Variants in TNNI3K observed in about 807,000 individuals in gnomAD.
TNNI3K encodes serine/threonine-protein kinase TNNI3K.
TNNI3K carries 140 observed loss-of-function variants against 114.5 expected under a neutral mutation model. That is an observed-to-expected ratio of 1.22 (90% CI 1.07 to 1.41). TNNI3K has a LOEUF of 1.41. Among genes scored for constraint, TNNI3K ranks in the 40% most tolerant of loss-of-function variants. TNNI3K has a pLI of 0.00. For synonymous variants in TNNI3K, 347 were observed against 347.5 expected (o/e 1.00, Z 0.02); for missense variants, 1,125 against 1,007.6 (o/e 1.12, Z -1.58).
At chr1:74,283,201 G>T (rs375644224) in intron 5 of TNNI3K, among the ~76,000 whole-genome samples, 1 of 152,068 alleles carries the variant, frequency 6.6e-6, no homozygotes, top group Non-Finnish European at 1.5e-5. Context: ...TGTGGCATTC[G>T]AAAATGGTTT....
intron 2 of TNNI3K, among the ~76,000 whole-genome samples, chr1:74,237,255 C>A (rs910123454): frequency 2.6e-5 from 4 of 151,854 alleles, no homozygotes; most frequent in African/African-American, 9.7e-5. Flanking sequence ...TGATGAGATA[C>A]CACTGATCTG....
At chr1:74,275,425 T>C (rs575556067) in intron 5 of TNNI3K, among the ~76,000 whole-genome samples, 11 of 152,212 alleles carry the variant, frequency 7.2e-5, no homozygotes, top group African/African-American at 2.4e-4. Context: ...ATCTCCCACT[T>C]TGTCCCTCCC....
At chr1:74,384,840 T>G in intron 17 of TNNI3K, among the ~76,000 whole-genome samples, 1 of 152,160 alleles carries the variant, frequency 6.6e-6, no homozygotes, top group East Asian at 1.9e-4. Flanking sequence ...TTCTTAAATA[T>G]AGTGATTATT....
chr1:74,283,818 C>T (rs1657159065), intron 5 of TNNI3K, among the ~76,000 whole-genome samples: 1 of 152,066 alleles, frequency 6.6e-6, no homozygotes, highest in African/African-American at 2.4e-5. Context: ...AATATATACA[C>T]ATATTTGTAT....
chr1:74,346,398 C>T (rs560079931), intron 9 of TNNI3K, among the ~76,000 whole-genome samples: 92 of 152,158 alleles, frequency 6.0e-4, no homozygotes, highest in African/African-American at 1.7e-3. Flanking sequence ...AGAATATTTC[C>T]GAGGTCCTGC....
chr1:74,240,471 T>C (rs1314376165), intron 2 of TNNI3K: 1 of 152,226 alleles, frequency 6.6e-6, no homozygotes. Flanking sequence ...TGAACTAGAT[T>C]AAACAATTTG....
At chr1:74,353,147 T>A in intron 9 of TNNI3K, 119 bp from the exon 10 acceptor site, 1 of 1,033,754 alleles carries the variant, frequency 9.7e-7, no homozygotes, top group South Asian at 1.7e-5. Flanking sequence ...ACAGTCTCAT[T>A]GTCAGGTTAT....
chr1:74,297,133 C>T (rs1270476838), intron 5 of TNNI3K, among the ~76,000 whole-genome samples: 1 of 151,792 alleles, frequency 6.6e-6, no homozygotes, highest in African/African-American at 2.4e-5. Flanking sequence ...ATAATACCTT[C>T]CCTGTGTTTT....
Position 74,482,588 on chromosome 1 carries a change from C to T in TNNI3K, c.2122-6601C>T, listed in dbSNP as rs141162824. On this transcript the variant is annotated intron_variant, in intron 21 of 24. Transcript: ENST00000326637. ...GGATATTAGAAATGGAAGAAATTAT[C>T]CTCTTCCACTCTGTCGTAACTCAAG... Among the ~76,000 whole-genome samples, 1,199 of 152,178 alleles carry T rather than the reference C, an allele frequency of 7.9e-3. 19 individuals carry two copies. The highest frequency in any genetic ancestry group is 0.026 in the African/African-American group (1,092 of 41,502).
chr1:74,489,773 T>C (rs1668957944), intron 22 of TNNI3K, among the ~76,000 whole-genome samples: 1 of 152,168 alleles, frequency 6.6e-6, no homozygotes, highest in Admixed American at 6.5e-5. Flanking sequence ...TTGCTTTAAG[T>C]TTCTCTACAA....
intron 17 of TNNI3K, among the ~76,000 whole-genome samples, chr1:74,399,010 G>A (rs1282968721): frequency 6.6e-6 from 1 of 151,762 alleles, no homozygotes; most frequent in Non-Finnish European, 1.5e-5. Context: ...ACAAAAATTA[G>A]CCAGGCATGG....
intron 9 of TNNI3K, among the ~76,000 whole-genome samples, chr1:74,345,522 G>C (rs923908708): frequency 2.6e-5 from 4 of 152,142 alleles, no homozygotes; most frequent in African/African-American, 9.7e-5. Flanking sequence ...GATATTTCAT[G>C]AAAGAAAAAT....
intron 23 of TNNI3K, among the ~76,000 whole-genome samples, chr1:74,534,390 A>T (rs971761735): frequency 2.0e-5 from 3 of 152,204 alleles, no homozygotes; most frequent in Non-Finnish European, 4.4e-5. Context: ...AGTCAGAAGC[A>T]ATTGTGGCAC....
At chr1:74,268,435 G>A (rs1169089419) in intron 4 of TNNI3K, among the ~76,000 whole-genome samples, 1 of 151,776 alleles carries the variant, frequency 6.6e-6, no homozygotes, top group Non-Finnish European at 1.5e-5. Context: ...ACTAGTAGAC[G>A]TTTTCTCGCT....
intron 21 of TNNI3K, 82 bp from the exon 22 acceptor site, chr1:74,489,107 T>C: frequency 2.6e-6 from 3 of 1,151,712 alleles, no homozygotes; most frequent in South Asian, 1.4e-5. Context: ...TCTTTACAAA[T>C]GCTAATACCC....
chr1:74,389,449 G>T (rs1663649457), intron 17 of TNNI3K, among the ~76,000 whole-genome samples: 1 of 152,170 alleles, frequency 6.6e-6, no homozygotes, highest in Non-Finnish European at 1.5e-5. Flanking sequence ...GAAGAATATG[G>T]TAGAGGGCAT....
At chr1:74,328,581 T>G (rs980054943) in intron 5 of TNNI3K, among the ~76,000 whole-genome samples, 1 of 152,120 alleles carries the variant, frequency 6.6e-6, no homozygotes, top group African/African-American at 2.4e-5. Context: ...TAAAACAAAC[T>G]AAGTAAAGCC....
chr1:74,471,649 G>T (rs1667937305), intron 21 of TNNI3K: 1 of 400,712 alleles, frequency 2.5e-6, no homozygotes. Flanking sequence ...CCAAGGGGTT[G>T]ATATTTTGGG....
At chr1:74,461,656 G>A (rs939650217) in intron 20 of TNNI3K, among the ~76,000 whole-genome samples, 5 of 152,136 alleles carry the variant, frequency 3.3e-5, no homozygotes, top group Non-Finnish European at 5.9e-5. Context: ...TTTATAAAAT[G>A]AGAAAACCTA....
Sources: gnomAD v4.1 joint callset for allele counts (sites outside exome capture counted in the v4.1 genomes callset) on GRCh38, gnomAD v4.1.1 for gene constraint, MANE v1.5 for transcripts, NCBI Gene and HGNC (gene_info 2026-07-23, HGNC 2026-07-21) for gene names.